CTDSPL2: variants seen among roughly 807,000 people sequenced by gnomAD.
The protein encoded by CTDSPL2 is CTD small phosphatase-like protein 2.
In CTDSPL2, 5 loss-of-function variants were observed where a neutral mutation model predicts 60.0. That is an observed-to-expected ratio of 0.08 (90% CI 0.04 to 0.18). CTDSPL2 has a LOEUF of 0.18. Ranked by LOEUF, CTDSPL2 falls within the 10% of genes least tolerant of loss-of-function variation. The pLI, the probability that CTDSPL2 is intolerant of heterozygous loss-of-function variation, is 1.00. For missense variants in CTDSPL2, 370 were observed against 548.8 expected (o/e 0.67, Z 3.26); for synonymous variants, 186 against 189.3 (o/e 0.98, Z 0.14).
At chr15:44,437,505 TATG>T (rs2080001247) in intron 1 of CTDSPL2, among the ~76,000 whole-genome samples, 1 of 152,204 alleles carries the variant, frequency 6.6e-6, no homozygotes, top group Admixed American at 6.5e-5. Flanking sequence ...AAGGAAATCT[TATG>T]AGGAAGAAAC....
chr15:44,479,377 TCCTC>T (rs1014239663), intron 2 of CTDSPL2, among the ~76,000 whole-genome samples: 6 of 151,476 alleles, frequency 4.0e-5, no homozygotes, highest in Non-Finnish European at 7.4e-5. Context: ...GAGTTTTTCT[TCCTC>T]TGCTGTATGT....
chr15:44,490,210 C>T lies in CTDSPL2; in HGVS notation c.476-574C>T, dbSNP rs147691596. ...AGTGCAATAGTACGATCACCGTTCA[C>T]TGCAGCCTTGACCTCCTTCTGGGCC... On this transcript the variant is annotated intron_variant, in intron 4 of 12. Coordinates refer to ENST00000260327, the MANE Select transcript of CTDSPL2 (RefSeq NM_016396.3). 2.6e-4 allele frequency among the ~76,000 whole-genome samples: 39 copies of T among 152,294 alleles called. 2 individuals carry two copies. The East Asian group carries it at 7.3e-3, about 29-fold the overall frequency.
intron 2 of CTDSPL2, among the ~76,000 whole-genome samples, chr15:44,480,434 A>G (rs891222824): frequency 2.0e-5 from 3 of 151,812 alleles, no homozygotes; most frequent in Non-Finnish European, 4.4e-5. Flanking sequence ...AGTGTGGGGG[A>G]TACCTTGTCT....
rs151090996 is a variant in CTDSPL2, at chr15:44,491,062, A to G, written c.691+63A>G. On this transcript the variant is annotated intron_variant, in intron 5 of 12. Coordinates refer to ENST00000260327, the MANE Select transcript of CTDSPL2 (RefSeq NM_016396.3). ...AGTTGATAAAAAATAACAGTATTTCATATTTTTTCTTAAATGAGCACATTA... is the reference window on the plus strand; with the variant it reads ...AGTTGATAAAAAATAACAGTATTTCGTATTTTTTCTTAAATGAGCACATTA... The G allele has an allele frequency of 1.9e-3, 2,499 of 1,303,830 alleles. 82 individuals are homozygous for G. The East Asian group carries it at 0.048, about 25-fold the overall frequency. 80.8% of individuals were successfully genotyped at this position (1,303,830 alleles called of 1,614,324 possible). A position where few individuals can be genotyped will look rare whatever the true frequency, so the allele number is the denominator to read the frequency against.
intron 5 of CTDSPL2, among the ~76,000 whole-genome samples, chr15:44,495,505 C>T (rs1047760955): frequency 1.3e-5 from 2 of 149,966 alleles, no homozygotes; most frequent in Non-Finnish European, 3.0e-5. Flanking sequence ...GCCAAGATCA[C>T]GCCACTGCAC....
intron 8 of CTDSPL2, chr15:44,503,943 T>G (rs2081417363): frequency 6.6e-6 from 1 of 152,290 alleles, no homozygotes; most frequent in Non-Finnish European, 1.5e-5. Flanking sequence ...TGGGAAAAGT[T>G]GGGGGAAGAG....
At chr15:44,510,724 A>G (rs1338587905) in intron 8 of CTDSPL2, among the ~76,000 whole-genome samples, 1 of 152,176 alleles carries the variant, frequency 6.6e-6, no homozygotes, top group African/African-American at 2.4e-5. Context: ...TTAGAAGAAA[A>G]ATGGAGCTAA....
At chr15:44,506,013 C>T (rs1179244332) in intron 8 of CTDSPL2, among the ~76,000 whole-genome samples, 1 of 142,680 alleles carries the variant, frequency 7.0e-6, no homozygotes, top group Non-Finnish European at 1.5e-5. Flanking sequence ...GAAAATTATG[C>T]TTCATTGGTA....
chr15:44,459,387 C>T (rs915024341), intron 2 of CTDSPL2, among the ~76,000 whole-genome samples, 187 bp downstream of exon 2: 12 of 152,004 alleles, frequency 7.9e-5, no homozygotes, highest in East Asian at 7.7e-4. Context: ...ATTAGCCGGG[C>T]GAGGTGGCGG....
intron 1 of CTDSPL2, among the ~76,000 whole-genome samples, chr15:44,454,433 A>G (rs1462138428): frequency 1.3e-5 from 2 of 152,196 alleles, no homozygotes; most frequent in African/African-American, 4.8e-5. Context: ...TAGTTTAACT[A>G]GATCCCATTT....
At chr15:44,453,418 T>G (rs1411581873) in intron 1 of CTDSPL2, among the ~76,000 whole-genome samples, 1 of 152,166 alleles carries the variant, frequency 6.6e-6, no homozygotes, top group Non-Finnish European at 1.5e-5. Context: ...TTTTTTTTGT[T>G]TTTTACTTAA....
intron 1 of CTDSPL2, among the ~76,000 whole-genome samples, chr15:44,455,778 A>G (rs1413926426): frequency 1.4e-5 from 2 of 145,758 alleles, no homozygotes; most frequent in African/African-American, 2.6e-5. Flanking sequence ...AGCTCAGTTG[A>G]TCATGGTGGA....
intron 8 of CTDSPL2, among the ~76,000 whole-genome samples, chr15:44,513,840 ATAT>A (rs2081607199): frequency 6.6e-6 from 1 of 152,222 alleles, no homozygotes; most frequent in South Asian, 2.1e-4. Flanking sequence ...GGCTTTTTGA[ATAT>A]TAGATTATAG....
chr15:44,479,202 C>T (rs2080979549), intron 2 of CTDSPL2, among the ~76,000 whole-genome samples: 2 of 151,930 alleles, frequency 1.3e-5, no homozygotes, highest in Non-Finnish European at 2.9e-5. Context: ...GTTTGGGCAA[C>T]TTAGTGAAAC....
In CTDSPL2 at chr15:44,427,767, A is replaced by T; in HGVS notation, c.-30A>T. 2.5e-6 allele frequency: 1 copy of T among 399,402 alleles called. No homozygotes were observed. Among genetic ancestry groups the T allele is most frequent in the Non-Finnish European group, 4.4e-6 (1 of 226,388 alleles). 24.7% of individuals were successfully genotyped at this position (399,402 alleles called of 1,614,324 possible). A position where few individuals can be genotyped will look rare whatever the true frequency, so the allele number is the denominator to read the frequency against. ...CCTGAGGACACTTCTCTGTCGTCAC[A>T]GTTAGGTAATCCCCTTCGTCCAGAC... On this transcript the variant is annotated 5_prime_UTR_variant, in exon 1 of 13. Transcript: ENST00000260327.
chr15:44,451,920 C>T (rs756841904), intron 1 of CTDSPL2, among the ~76,000 whole-genome samples: 6 of 152,168 alleles, frequency 3.9e-5, no homozygotes, highest in Non-Finnish European at 7.3e-5. Flanking sequence ...TCGGACCAAT[C>T]ATGAGCCCAA....
At chr15:44,504,403 C>T (rs1448537894) in intron 8 of CTDSPL2, among the ~76,000 whole-genome samples, 1 of 152,112 alleles carries the variant, frequency 6.6e-6, no homozygotes, top group Non-Finnish European at 1.5e-5. Flanking sequence ...TCTGTCTCCT[C>T]TTTACAGTCT....
rs2081838127 is a variant in CTDSPL2 at position 44,524,261 on chromosome 15, T to A, written c.*87T>A. 5.5e-6 allele frequency: 6 copies of A among 1,081,956 alleles called. No homozygotes were observed. The highest frequency in any genetic ancestry group is 8.4e-6 in the Non-Finnish European group (6 of 710,658). 67.0% of individuals were successfully genotyped at this position (1,081,956 alleles called of 1,614,324 possible). Reference sequence around the variant, plus strand: ...AAAAACATTGCCATTACTGTTGAAATTTTGCATTTTTGTACCCCGTCTTGC... The same window carrying A: ...AAAAACATTGCCATTACTGTTGAAAATTTGCATTTTTGTACCCCGTCTTGC... On this transcript the variant is annotated 3_prime_UTR_variant, in exon 13 of 13. Coordinates refer to ENST00000260327, the MANE Select transcript of CTDSPL2 (RefSeq NM_016396.3).
chr15:44,453,860 A>G (rs2080380969), intron 1 of CTDSPL2, among the ~76,000 whole-genome samples: 1 of 152,048 alleles, frequency 6.6e-6, no homozygotes, highest in African/African-American at 2.4e-5. Flanking sequence ...AGTCTTTGCT[A>G]TTGTGAATAG....
Sources: allele counts gnomAD v4.1 joint callset (sites outside exome capture counted in the v4.1 genomes callset), GRCh38; gene constraint gnomAD v4.1.1; transcripts MANE v1.5; gene names NCBI Gene and HGNC (gene_info 2026-07-23, HGNC 2026-07-21).